Variants in CFAP74 observed in about 807,000 individuals in gnomAD.
CFAP74 encodes cilia and flagella associated protein 74, also known as cilia- and flagella-associated protein 74.
A neutral mutation model predicts 188.9 loss-of-function variants in CFAP74; 124 were observed. The observed-to-expected ratio is 0.66, with a 90% CI of 0.57 to 0.76. The LOEUF is 0.76. Among genes scored for constraint, CFAP74 ranks in the 30% least tolerant of loss-of-function variants. The pLI is 0.00. For missense variants in CFAP74, 2,198 were observed against 2,165.2 expected, an observed-to-expected ratio of 1.02 and a Z score of -0.30; for synonymous variants, 956 against 916.7, an observed-to-expected ratio of 1.04 and a Z score of -0.77.
At chr1:1,972,853 T>TA in intron 8 of CFAP74, 84 bp downstream of exon 8, 1 of 919,658 alleles carries the variant, frequency 1.1e-6, no homozygotes. Flanking sequence ...AATAAATAAA[T>TA]AATAAAATCA....
intron 25 of CFAP74, among the ~76,000 whole-genome samples, chr1:1,937,961 TAC>T (rs564600150): frequency 6.0e-4 from 91 of 152,174 alleles, no homozygotes; most frequent in Non-Finnish European, 9.3e-4. Context: ...CATACACATG[TAC>T]ACACATGCAC....
rs766992175 is a variant in CFAP74 at position 1,970,839 on chromosome 1, A to G, written c.889-23T>C. 6 of 1,612,964 alleles carry G rather than the reference A, an allele frequency of 3.7e-6. No homozygotes were observed. The South Asian group carries it at 6.6e-5, about 18-fold the overall frequency. On this transcript the variant is annotated intron_variant, in intron 9 of 38. Coordinates refer to ENST00000682832, the MANE Select transcript of CFAP74 (RefSeq NM_001304360.2). Reference sequence around the variant, plus strand: ...GTCCTTGGAAACAGAGAGCACTGAGATGACAGCAGCAGCACCCACGGGCAC... The same window carrying G: ...GTCCTTGGAAACAGAGAGCACTGAGGTGACAGCAGCAGCACCCACGGGCAC...
chr1:1,945,383 C>T (rs1653681335), intron 20 of CFAP74, among the ~76,000 whole-genome samples: 1 of 152,146 alleles, frequency 6.6e-6, no homozygotes, highest in Admixed American at 6.6e-5. Context: ...CAGCACGAAG[C>T]CGCCTAGGCA....
In CFAP74 at chr1:1,970,658, C is replaced by G; in HGVS notation, c.1046+1G>C. ...GGTGGCACCTCTGCCACCACCCTCACCTCTTCTGGGCCTCCAGCTCCTGGC... is the reference window on the plus strand; with the variant it reads ...GGTGGCACCTCTGCCACCACCCTCAGCTCTTCTGGGCCTCCAGCTCCTGGC... On this transcript the variant is annotated splice_donor_variant, in intron 10 of 38. Coordinates refer to ENST00000682832, the MANE Select transcript of CFAP74 (RefSeq NM_001304360.2). LOFTEE classifies it high-confidence loss of function. 3 of 1,604,458 alleles carry G rather than the reference C, an allele frequency of 1.9e-6. No homozygotes were observed. The highest frequency in any genetic ancestry group is 2.6e-6 in the Non-Finnish European group (3 of 1,175,706).
chr1:1,957,760 T>C (rs59192373), intron 16 of CFAP74, among the ~76,000 whole-genome samples: 25,039 of 150,924 alleles, frequency 0.17, 4,328 homozygotes, highest in African/African-American at 0.44. Context: ...GGAGCCTGGC[T>C]GTCTGCGGGG....
Position 1,970,821 on chromosome 1 carries a change from G to C in CFAP74, c.889-5C>G, listed in dbSNP as rs773884950. 14 of 1,613,866 alleles carry C rather than the reference G, an allele frequency of 8.7e-6. No homozygotes were observed. The South Asian group carries it at 1.4e-4, about 16-fold the overall frequency. On this transcript the variant is annotated splice_region_variant and splice_polypyrimidine_tract_variant and intron_variant, in intron 9 of 38. Transcript: ENST00000682832. Reference sequence around the variant, plus strand: ...TTGGAACTTCCGCAGTGTGTCCTTGGAAACAGAGAGCACTGAGATGACAGC... The same window carrying C: ...TTGGAACTTCCGCAGTGTGTCCTTGCAAACAGAGAGCACTGAGATGACAGC...
chr1:1,948,113 T>TCCC (rs1337173065), intron 18 of CFAP74, among the ~76,000 whole-genome samples: 2 of 151,840 alleles, frequency 1.3e-5, no homozygotes, highest in African/African-American at 4.9e-5. Context: ...CCTTGTGATC[T>TCCC]GCCCACCTTG....
chr1:1,957,389 G>A (rs1654719599), intron 16 of CFAP74, among the ~76,000 whole-genome samples: 1 of 152,214 alleles, frequency 6.6e-6, no homozygotes, highest in Admixed American at 6.5e-5. Context: ...GGCCACCGAC[G>A]CAAATGGACG....
At chr1:1,988,688 C>A (rs375587744) in intron 3 of CFAP74, 33 bp from the exon 4 acceptor site, 12 of 1,600,578 alleles carry the variant, frequency 7.5e-6, no homozygotes, top group Non-Finnish European at 1.0e-5. Flanking sequence ...CTGCCACCAC[C>A]CCAGCTGCAG....
chr1:1,965,524 T>C (rs1340167611), intron 12 of CFAP74, among the ~76,000 whole-genome samples: 5 of 152,140 alleles, frequency 3.3e-5, no homozygotes, highest in Non-Finnish European at 5.9e-5. Flanking sequence ...ACCAGGAAGA[T>C]CAGAACTGGA....
At chr1:1,955,528 G>A (rs1459882670) in intron 18 of CFAP74, 163 bp downstream of exon 18, 1 of 1,609,982 alleles carries the variant, frequency 6.2e-7, no homozygotes, top group African/African-American at 1.3e-5. Flanking sequence ...ACAACACTTA[G>A]TGGCACATAA....
At chr1:1,928,167 GCCGGGAAGGGCAAACC>G (rs1652070809) in intron 27 of CFAP74, among the ~76,000 whole-genome samples, 1 of 145,214 alleles carries the variant, frequency 6.9e-6, no homozygotes. Flanking sequence ...AGGAAGCCAG[GCCGGGAAGGGCAAACC>G]CTTGGGAGGA....
intron 24 of CFAP74, 105 bp from the exon 25 acceptor site, chr1:1,939,093 T>A: frequency 8.5e-7 from 1 of 1,172,152 alleles, no homozygotes; most frequent in South Asian, 1.5e-5. Context: ...TGATCGTGTG[T>A]GAGCGAATGT....
chr1:1,974,047 G>C lies in CFAP74; in HGVS notation c.652C>G (p.Arg218Gly). 4.4e-6 allele frequency: 7 copies of C among 1,591,888 alleles called. No homozygotes were observed. Among genetic ancestry groups the C allele is most frequent in the Non-Finnish European group, 6.0e-6 (7 of 1,165,582 alleles). The change falls in exon 7 of 39, where the codon CGG becomes GGG. Residue 218 changes from arginine to glycine, a missense_variant. Transcript: ENST00000682832. ...REQEALGKVE[R>G]NRLLRIRKSL... ...TACCTGATCCTCAGCAGTCGGTTCC[G>C]CTCCACCTTCCCCAGGGCCTCCTGC...
chr1:1,924,422 G>A lies in CFAP74; in HGVS notation c.4203C>T (p.Leu1401=). 1 of 1,534,320 alleles carries A rather than the reference G, an allele frequency of 6.5e-7. No individual in the cohort carries two copies. The highest frequency in any genetic ancestry group is 8.7e-7 in the Non-Finnish European group (1 of 1,149,176). Residue 1401 remains leucine, a synonymous_variant, in exon 34 of 39, where the codon CTC becomes CTT. Transcript: ENST00000682832. ...GRGQQQLPQF[L]SSPSQRTEVV... ...CCTCCGTCCTCTGGGAGGGCGAGCTGAGGAACTGCGGCAGCTGCTGCTGGC... is the reference window on the plus strand; with the variant it reads ...CCTCCGTCCTCTGGGAGGGCGAGCTAAGGAACTGCGGCAGCTGCTGCTGGC...
chr1:1,988,982 C>G lies in CFAP74; in HGVS notation c.68-9G>C, dbSNP rs1439458259. The G allele has an allele frequency of 2.3e-6, 3 of 1,330,956 alleles. No homozygotes were observed. In the African/African-American group the frequency reaches 4.5e-5, roughly 20 times the overall value. The allele number at this position is 1,330,956 out of a possible 1,614,324, so 82.4% of individuals were successfully genotyped here. On this transcript the variant is annotated splice_polypyrimidine_tract_variant and intron_variant, in intron 2 of 38. Coordinates refer to ENST00000682832, the MANE Select transcript of CFAP74 (RefSeq NM_001304360.2). ...CTCTAATTCATCTCTTTCTAGAAAT[C>G]AAGGCAAGAGTTTAAAAAAAAAAAA...
At chr1:1,994,495 T>C (rs1657806564) in intron 1 of CFAP74, among the ~76,000 whole-genome samples, 1 of 152,194 alleles carries the variant, frequency 6.6e-6, no homozygotes, top group South Asian at 2.1e-4. Context: ...TTTAAAGTCC[T>C]GGGAGGCAGA....
At chr1:1,948,296 G>A (rs1429187904) in intron 18 of CFAP74, among the ~76,000 whole-genome samples, 4 of 152,006 alleles carry the variant, frequency 2.6e-5, no homozygotes, top group East Asian at 1.9e-4. Flanking sequence ...TTTTAGAGAC[G>A]AGGTCTCACT....
At chr1:1,952,658 A>T (rs1570897945) in intron 18 of CFAP74, among the ~76,000 whole-genome samples, 2 of 149,422 alleles carry the variant, frequency 1.3e-5, no homozygotes, top group East Asian at 3.9e-4. Context: ...GAATTACAAG[A>T]CTCAATTTTT....
Sources: gnomAD v4.1 joint callset for allele counts (sites outside exome capture counted in the v4.1 genomes callset) on GRCh38, gnomAD v4.1.1 for gene constraint, MANE v1.5 for transcripts, NCBI Gene and HGNC (gene_info 2026-07-23, HGNC 2026-07-21) for gene names.